The following UTS2B variants were observed in gnomAD, a reference collection of about 807,000 sequenced individuals.
UTS2B encodes urotensin 2B.
In UTS2B, 21 loss-of-function variants were observed where a neutral mutation model predicts 19.2. The ratio of observed to expected loss-of-function variants is 1.09; its 90% CI spans 0.78 to 1.58. The LOEUF is 1.58. Among genes scored for constraint, UTS2B ranks in the 40% most tolerant of loss-of-function variants. The pLI, the probability that UTS2B is intolerant of heterozygous loss-of-function variation, is 0.00. For synonymous variants in UTS2B, 57 were observed against 50.2 expected, an observed-to-expected ratio of 1.14 and a Z score of -0.58; for missense variants, 138 against 130.3, an observed-to-expected ratio of 1.06 and a Z score of -0.29.
intron 2 of UTS2B, among the ~76,000 whole-genome samples, chr3:191,322,372 C>T (rs1717633817): frequency 6.6e-6 from 1 of 152,152 alleles, no homozygotes; most frequent in African/African-American, 2.4e-5. Flanking sequence ...ATGTTTCAAA[C>T]ATGAAAGTAG....
At chr3:191,282,500 A>T (rs1716419826) in intron 4 of UTS2B, 187 bp from the exon 5 acceptor site, 1 of 208,588 alleles carries the variant, frequency 4.8e-6, no homozygotes, top group African/African-American at 2.3e-5. Context: ...ATGCCCACAC[A>T]TTCAAATAGA....
chr3:191,312,301 G>A (rs149157631), intron 3 of UTS2B, among the ~76,000 whole-genome samples: 266 of 152,218 alleles, frequency 1.7e-3, no homozygotes, highest in African/African-American at 3.9e-3. Flanking sequence ...CCCTGGAGGC[G>A]ATGTGGAATG....
chr3:191,324,564 A>G (rs1717696209), intron 2 of UTS2B, among the ~76,000 whole-genome samples: 1 of 152,164 alleles, frequency 6.6e-6, no homozygotes, highest in African/African-American at 2.4e-5. Flanking sequence ...TTTCCCCTAC[A>G]CAAGCTCTCT....
Position 191,278,159 on chromosome 3 carries a change from A to G in UTS2B, c.115T>C (p.Phe39Leu). 6.6e-7 allele frequency: 1 copy of G among 1,526,164 alleles called. No homozygotes were observed. The highest frequency in any genetic ancestry group is 1.4e-5 in the African/African-American group (1 of 71,330). The allele number at this position is 1,526,164 out of a possible 1,614,324, so 94.5% of individuals were successfully genotyped here. A position where few individuals can be genotyped will look rare whatever the true frequency, so the allele number is the denominator to read the frequency against. ...RPYLTQGNEI[F>L]PDKKYTNREE... ...CGATTTGTATATTTTTTATCTGGAA[A>G]TATTTCATTTCCTATAATGATCAAA... The change falls in exon 6 of 9, where the codon TTT becomes CTT. Residue 39 changes from phenylalanine (F) to leucine (L), a missense_variant. Transcript: ENST00000340524.
chr3:191,329,776 G>A (rs1189613137), intron 1 of UTS2B: 1 of 1,574,252 alleles, frequency 6.4e-7, no homozygotes, highest in South Asian at 1.2e-5. Flanking sequence ...CCAGCCCGAG[G>A]TTCTCTCAGG....
chr3:191,291,054 C>T (rs897128969), intron 4 of UTS2B, among the ~76,000 whole-genome samples: 2 of 145,888 alleles, frequency 1.4e-5, no homozygotes, highest in Admixed American at 6.9e-5. Flanking sequence ...CCTGACAAGA[C>T]GGTGCTTGGA....
At chr3:191,337,911 T>C in the UTS2B span, among the ~76,000 whole-genome samples, 1 of 152,286 alleles carries the variant, frequency 6.6e-6, no homozygotes, top group East Asian at 1.9e-4. Context: ...TTCATCTTTT[T>C]AGAAACTTGT....
chr3:191,296,266 C>CACACACACAT (rs72319687), intron 4 of UTS2B, among the ~76,000 whole-genome samples: 2 of 151,852 alleles, frequency 1.3e-5, no homozygotes, highest in Non-Finnish European at 2.9e-5. Context: ...CACACACTCA[C>CACACACACAT]ACACACACAT....
At chr3:191,329,651 G>A (rs1399858241) in intron 1 of UTS2B, 1 of 1,604,156 alleles carries the variant, frequency 6.2e-7, no homozygotes, top group Non-Finnish European at 8.5e-7. Context: ...CGCGTTAAAG[G>A]GGCAACCGGG....
chr3:191,282,867 A>G (rs937258631), intron 4 of UTS2B, among the ~76,000 whole-genome samples: 1 of 152,206 alleles, frequency 6.6e-6, no homozygotes, highest in African/African-American at 2.4e-5. Context: ...ATTAAGGCTG[A>G]ATTTAATTAA....
chr3:191,282,745 G>A (rs1716425939), intron 4 of UTS2B, among the ~76,000 whole-genome samples: 1 of 152,106 alleles, frequency 6.6e-6, no homozygotes, highest in Non-Finnish European at 1.5e-5. Flanking sequence ...TTAACCAACT[G>A]AATAAACTAG....
chr3:191,328,204 G>A (rs558268655), intron 2 of UTS2B: 1 of 152,050 alleles, frequency 6.6e-6, no homozygotes, highest in South Asian at 2.1e-4. Flanking sequence ...CCTCCCCTAC[G>A]TGGCCTCTCA....
At chr3:191,307,808 TTTC>T (rs1448271248) in intron 3 of UTS2B, among the ~76,000 whole-genome samples, 227 of 138,706 alleles carry the variant, frequency 1.6e-3, no homozygotes, top group African/African-American at 5.5e-3. Flanking sequence ...CTTTTTCTTT[TTTC>T]TTTTCTTTTC....
At chr3:191,345,358 T>A in the UTS2B span, among the ~76,000 whole-genome samples, 1 of 152,212 alleles carries the variant, frequency 6.6e-6, no homozygotes, top group Non-Finnish European at 1.5e-5. Flanking sequence ...CAGATAAACC[T>A]TATATGGAAA....
At chr3:191,311,423 A>G (rs1717298513) in intron 3 of UTS2B, among the ~76,000 whole-genome samples, 1 of 152,210 alleles carries the variant, frequency 6.6e-6, no homozygotes, top group Admixed American at 6.5e-5. Context: ...GCAGATTGAT[A>G]TCTCTTTCTC....
At chr3:191,335,650 A>G in the UTS2B span, among the ~76,000 whole-genome samples, 1 of 152,170 alleles carries the variant, frequency 6.6e-6, no homozygotes, top group Admixed American at 6.5e-5. Context: ...GTGTGTGCAT[A>G]GGATAGTTTT....
At chr3:191,336,175 T>C in the UTS2B span, among the ~76,000 whole-genome samples, 1 of 151,904 alleles carries the variant, frequency 6.6e-6, no homozygotes, top group Admixed American at 6.6e-5. Context: ...TGAACATAAG[T>C]TTTTGTTTCC....
chr3:191,293,782 T>C (rs1716778046), intron 4 of UTS2B, among the ~76,000 whole-genome samples: 2 of 151,776 alleles, frequency 1.3e-5, no homozygotes, highest in Admixed American at 1.3e-4. Flanking sequence ...TCAATAGTGG[T>C]TGAGAACATG....
intron 4 of UTS2B, among the ~76,000 whole-genome samples, chr3:191,286,741 G>C (rs187239636): frequency 1.3e-5 from 2 of 152,116 alleles, no homozygotes; most frequent in Admixed American, 1.3e-4. Context: ...CCCAAAGTTA[G>C]TGAGGGGAAG....
Sources: allele counts gnomAD v4.1 joint callset (sites outside exome capture counted in the v4.1 genomes callset), GRCh38; gene constraint gnomAD v4.1.1; transcripts MANE v1.5; gene names NCBI Gene and HGNC (gene_info 2026-07-23, HGNC 2026-07-21).